ST3GAL1: variants seen among roughly 807,000 people sequenced by gnomAD.
The protein encoded by ST3GAL1 is CMP-N-acetylneuraminate-beta-galactosamide-alpha-2,3-sialyltransferase 1.
Under a neutral mutation model 34.1 loss-of-function variants are expected in ST3GAL1, and 16 were observed. The observed-to-expected ratio is 0.47, with a 90% CI of 0.32 to 0.71. The LOEUF (loss-of-function observed/expected upper bound fraction) is 0.71, where lower values mean the gene tolerates loss of function less well. Ranked by LOEUF, ST3GAL1 falls within the 30% of genes least tolerant of loss-of-function variation. The probability of loss-of-function intolerance (pLI) is 0.04; values close to 1 mark genes in which losing one functional copy is unlikely to be tolerated. For missense variants in ST3GAL1, 353 were observed against 447.4 expected, an observed-to-expected ratio of 0.79 and a Z score of 1.90; for synonymous variants, 191 against 184.7, an observed-to-expected ratio of 1.03 and a Z score of -0.28.
Position 133,461,754 on chromosome 8 carries a change from G to A in ST3GAL1, c.849+121C>T. 7.1e-7 allele frequency: 1 copy of A among 1,409,444 alleles called. No individual in the cohort carries two copies. The highest frequency in any genetic ancestry group is 9.8e-7 in the Non-Finnish European group (1 of 1,025,118). 87.3% of individuals were successfully genotyped at this position (1,409,444 alleles called of 1,614,324 possible). ...TTGCAAGTCCTGTCGTAGAGACAGG[G>A]AATCCGAGCTTCCGGAAGAGGCAGG... On this transcript the variant is annotated intron_variant, in intron 9 of 9. Coordinates refer to ENST00000522652, the MANE Select transcript of ST3GAL1 (RefSeq NM_173344.3). The surrounding 1 kb of genome is among the most constrained non-coding windows in gnomAD (Gnocchi z 4.7).
At chr8:133,540,115 A>T (rs556340992) in intron 2 of ST3GAL1, among the ~76,000 whole-genome samples, 3 of 152,222 alleles carry the variant, frequency 2.0e-5, no homozygotes, top group Admixed American at 6.5e-5. Flanking sequence ...CGCCACTTGG[A>T]TCCATCCTCA....
chr8:133,476,416 C>T lies in ST3GAL1; in HGVS notation c.-189G>A, dbSNP rs77644938. The T allele has an allele frequency of 4.8e-3, 778 of 161,600 alleles. 6 individuals carry two copies. Among genetic ancestry groups the T allele is most frequent in the African/African-American group, 0.018 (737 of 41,738 alleles). The allele number at this position is 161,600 out of a possible 1,614,324, so 10.0% of individuals were successfully genotyped here. On this transcript the variant is annotated 5_prime_UTR_variant, in exon 4 of 10. Coordinates refer to ENST00000522652, the MANE Select transcript of ST3GAL1 (RefSeq NM_173344.3). ...ATTAATCTCTGTGACAGTCCAGGGT[C>T]CCTCAGGAGCGAGGACCTCGAAGGA... is the stretch of plus-strand genomic sequence containing the variant.
intron 2 of ST3GAL1, among the ~76,000 whole-genome samples, chr8:133,540,365 G>C (rs1331830782): frequency 6.6e-6 from 1 of 152,086 alleles, no homozygotes; most frequent in Non-Finnish European, 1.5e-5. Flanking sequence ...GCCTGCATTC[G>C]GTCTCTGGGC....
At chr8:133,481,475 T>C (rs1359532336) in intron 3 of ST3GAL1, among the ~76,000 whole-genome samples, 1 of 152,124 alleles carries the variant, frequency 6.6e-6, no homozygotes, top group Admixed American at 6.6e-5. Context: ...GTTTGGGTTT[T>C]TTTGTTGTTG....
chr8:133,482,629 GC>G (rs1262722678), intron 3 of ST3GAL1, among the ~76,000 whole-genome samples: 1 of 152,200 alleles, frequency 6.6e-6, no homozygotes, highest in Admixed American at 6.5e-5. Context: ...GACTTCCAAT[GC>G]AACACATCCG....
chr8:133,480,864 C>A (rs1816355862), intron 3 of ST3GAL1, among the ~76,000 whole-genome samples: 1 of 152,216 alleles, frequency 6.6e-6, no homozygotes, highest in Non-Finnish European at 1.5e-5. Flanking sequence ...TTTACTCCCC[C>A]TTCTTGCTGT....
intron 2 of ST3GAL1, chr8:133,544,062 T>G (rs1818608732): frequency 6.6e-6 from 1 of 152,232 alleles, no homozygotes; most frequent in African/African-American, 2.4e-5. Context: ...TTGGATCTTT[T>G]CTCATCAGTG....
Position 133,467,318 on chromosome 8 carries a change from T to C in ST3GAL1, c.307-1228A>G, listed in dbSNP as rs1054214375. 1.3e-5 allele frequency among the ~76,000 whole-genome samples: 2 copies of C among 152,140 alleles called. No homozygotes were observed. The highest frequency in any genetic ancestry group is 6.5e-5 in the Admixed American group (1 of 15,282). On this transcript the variant is annotated intron_variant, in intron 5 of 9. Coordinates refer to ENST00000522652, the MANE Select transcript of ST3GAL1 (RefSeq NM_173344.3). The surrounding 1 kb of genome is among the most constrained non-coding windows in gnomAD (Gnocchi z 4.2). ...GCCCAGGCCCGCCCGTCACCTCAGG[T>C]GGAGCTCTGGCCACACTATGTAGTG...
At chr8:133,506,113 T>G (rs188724495) in intron 2 of ST3GAL1, among the ~76,000 whole-genome samples, 324 of 152,338 alleles carry the variant, frequency 2.1e-3, no homozygotes, top group Non-Finnish European at 3.7e-3. Flanking sequence ...ACATAGAGCA[T>G]TTCCATCATC....
At chr8:133,524,193 T>A (rs1386647391) in intron 2 of ST3GAL1, among the ~76,000 whole-genome samples, 1 of 152,208 alleles carries the variant, frequency 6.6e-6, no homozygotes, top group African/African-American at 2.4e-5. Flanking sequence ...TTAAAAAACC[T>A]ACCTCTTAAG....
In ST3GAL1 at chr8:133,541,147, A is replaced by AGAGAGAGAGAGG. The variant is rs1209540597; in HGVS notation, c.-429+4626_-429+4627insCCTCTCTCTCTC. Among the ~76,000 whole-genome samples the AGAGAGAGAGAGG allele has an allele frequency of 2.8e-4, 35 of 125,454 alleles. 2 individuals are homozygous for AGAGAGAGAGAGG. Among genetic ancestry groups the AGAGAGAGAGAGG allele is most frequent in the African/African-American group, 1.2e-3 (31 of 25,498 alleles). 82.3% of individuals were successfully genotyped at this position (125,454 alleles called of 152,430 possible). ...GAGAGAGAGAGAGAGAGAGAGAGAG[A>AGAGAGAGAGAGG]GAGAGACTGTGTGTCTCTCCCTCTT... On this transcript the variant is annotated intron_variant, in intron 2 of 9. Coordinates refer to ENST00000522652, the MANE Select transcript of ST3GAL1 (RefSeq NM_173344.3).
At chr8:133,502,176 A>C (rs1423591342) in intron 2 of ST3GAL1, among the ~76,000 whole-genome samples, 1 of 152,090 alleles carries the variant, frequency 6.6e-6, no homozygotes, top group Admixed American at 6.6e-5. Flanking sequence ...GGGTACTAAG[A>C]GCAGCTTAGC....
At position 133,569,258 on chromosome 8, in the gene ST3GAL1, G is replaced by C. The variant is rs993410612; in HGVS notation, c.-582+2435C>G. Among the ~76,000 whole-genome samples, 6 of 152,330 alleles carry C rather than the reference G, an allele frequency of 3.9e-5. 1 individual carries two copies. The East Asian group carries it at 1.2e-3, about 29-fold the overall frequency. ...GCAGGGAAAGCAAACTTCAGGGTTT[G>C]TGGGATTTTGAAAAGGCAAGAGGAG... is the stretch of plus-strand genomic sequence containing the variant. On this transcript the variant is annotated intron_variant, in intron 1 of 9. Transcript: ENST00000522652.
intron 2 of ST3GAL1, among the ~76,000 whole-genome samples, chr8:133,513,993 C>T (rs1049194096): frequency 6.6e-6 from 1 of 152,008 alleles, no homozygotes; most frequent in Non-Finnish European, 1.5e-5. Context: ...AACCAGGAAG[C>T]GTATTTTCAG....
At chr8:133,502,618 C>A (rs896895145) in intron 2 of ST3GAL1, among the ~76,000 whole-genome samples, 1 of 152,168 alleles carries the variant, frequency 6.6e-6, no homozygotes, top group African/African-American at 2.4e-5. Context: ...GTCGTTTAAG[C>A]TACCGAGTTT....
intron 1 of ST3GAL1, among the ~76,000 whole-genome samples, chr8:133,566,067 G>A (rs1243188549): frequency 6.6e-6 from 1 of 152,232 alleles, no homozygotes; most frequent in East Asian, 1.9e-4. Context: ...TTATGATGCT[G>A]GGCACCCCGA....
chr8:133,502,633 T>A (rs1817217530), intron 2 of ST3GAL1, among the ~76,000 whole-genome samples: 1 of 152,186 alleles, frequency 6.6e-6, no homozygotes, highest in African/African-American at 2.4e-5. Flanking sequence ...GAGTTTGTGA[T>A]ATTTTGTTAT....
At chr8:133,487,523 T>C (rs1034472627) in intron 3 of ST3GAL1, among the ~76,000 whole-genome samples, 4 of 152,188 alleles carry the variant, frequency 2.6e-5, no homozygotes, top group African/African-American at 4.8e-5. Flanking sequence ...ACATACAGCA[T>C]CTCACTTTGT....
At chr8:133,468,861 GC>G in intron 5 of ST3GAL1, among the ~76,000 whole-genome samples, 1 of 152,292 alleles carries the variant, frequency 6.6e-6, no homozygotes, top group Admixed American at 6.5e-5. Flanking sequence ...CACTCTGAGA[GC>G]CCCAGGGTAG....
Sources: gnomAD v4.1 joint callset for allele counts (sites outside exome capture counted in the v4.1 genomes callset) on GRCh38, gnomAD v4.1.1 for gene constraint, Gnocchi (gnomAD v3.1) non-coding constraint, MANE v1.5 for transcripts, NCBI Gene and HGNC (gene_info 2026-07-23, HGNC 2026-07-21) for gene names.